The following QKI variants were observed in gnomAD, a reference collection of about 807,000 sequenced individuals.
QKI encodes KH domain-containing RNA-binding protein QKI.
In QKI, 10 loss-of-function variants were observed where a neutral mutation model predicts 39.0. That is an observed-to-expected ratio of 0.26 (90% confidence interval 0.16 to 0.43). QKI has a LOEUF of 0.43. Among genes scored for constraint, QKI ranks in the 20% least tolerant of loss-of-function variants. QKI has a pLI of 1.00. For missense variants in QKI, 218 were observed against 428.0 expected, an observed-to-expected ratio of 0.51 and a Z score of 4.33; for synonymous variants, 204 against 155.4, an observed-to-expected ratio of 1.31 and a Z score of -2.33.
intron 1 of QKI, among the ~76,000 whole-genome samples, chr6:163,453,421 A>G (rs1219165043): frequency 6.6e-6 from 1 of 152,116 alleles, no homozygotes; most frequent in East Asian, 1.9e-4. Context: ...AATTATATGG[A>G]AAGTGCTTTT....
chr6:163,518,719 ATAAAT>A (rs375157310), intron 3 of QKI, among the ~76,000 whole-genome samples: 95 of 152,332 alleles, frequency 6.2e-4, no homozygotes, highest in Middle Eastern at 3.4e-3. Context: ...ATACATGTAA[ATAAAT>A]TGTAGTTTAT....
chr6:163,531,605 T>C (rs1780855561), intron 3 of QKI, among the ~76,000 whole-genome samples: 1 of 152,232 alleles, frequency 6.6e-6, no homozygotes, highest in Non-Finnish European at 1.5e-5. Context: ...ACCATCTGCT[T>C]TCTAGATTCT....
rs73787644 is a variant in QKI, at chr6:163,440,469, T to C, written c.143-14810T>C. 3.3e-3 allele frequency among the ~76,000 whole-genome samples: 506 copies of C among 152,324 alleles called. 4 individuals are homozygous for C. The highest frequency in any genetic ancestry group is 0.011 in the African/African-American group (476 of 41,576). ...CCACAGAGTTCTTGGGGAGGCTTTT[T>C]ATGTGGAAAGACATTAGACTTCATT... On this transcript the variant is annotated intron_variant, in intron 1 of 7. Transcript: ENST00000361752.
At chr6:163,478,690 A>G in intron 2 of QKI, 90 bp from the exon 3 acceptor site, 2 of 809,746 alleles carry the variant, frequency 2.5e-6, no homozygotes, top group Non-Finnish European at 3.9e-6. Flanking sequence ...ATTTAACTTC[A>G]GTAAGTAAAT....
intron 4 of QKI, among the ~76,000 whole-genome samples, chr6:163,552,892 G>A (rs1782332471): frequency 1.3e-5 from 2 of 151,560 alleles, no homozygotes; most frequent in Admixed American, 1.3e-4. Context: ...AGAACTTTTT[G>A]TCAGGCAATC....
At chr6:163,449,193 C>A (rs75373531) in intron 1 of QKI, among the ~76,000 whole-genome samples, 4,239 of 152,190 alleles carry the variant, frequency 0.028, 193 homozygotes, top group African/African-American at 0.096. Context: ...CCTATTTAAG[C>A]TTCAGATGAA....
chr6:163,500,363 A>T (rs1237609126), intron 3 of QKI, among the ~76,000 whole-genome samples: 1 of 152,150 alleles, frequency 6.6e-6, no homozygotes, highest in Non-Finnish European at 1.5e-5. Context: ...GAGGCAAGAG[A>T]TGGTGGCATG....
chr6:163,565,734 CAG>C, intron 6 of QKI: 2 of 1,235,786 alleles, frequency 1.6e-6, no homozygotes, highest in Non-Finnish European at 2.0e-6. Flanking sequence ...TTGGAGAACT[CAG>C]AAAATTATTT....
At chr6:163,553,812 GT>G (rs1447182635) in intron 4 of QKI, among the ~76,000 whole-genome samples, 11 of 152,036 alleles carry the variant, frequency 7.2e-5, no homozygotes, top group African/African-American at 2.7e-4. Flanking sequence ...ACAAATCTTT[GT>G]TAGTTTTATA....
chr6:163,477,891 G>A (rs755691785), intron 2 of QKI, among the ~76,000 whole-genome samples: 8 of 152,086 alleles, frequency 5.3e-5, no homozygotes, highest in Non-Finnish European at 7.4e-5. Flanking sequence ...TTGGATAAAT[G>A]CAAGAAAAAA....
intron 3 of QKI, among the ~76,000 whole-genome samples, chr6:163,527,267 C>G (rs561430892): frequency 3.4e-4 from 52 of 152,236 alleles, no homozygotes; most frequent in African/African-American, 1.2e-3. Flanking sequence ...GTGAAATCTA[C>G]TTTATGCCCA....
chr6:163,576,035 G>T lies in QKI; in HGVS notation c.*5325G>T, dbSNP rs1173767199. The T allele has an allele frequency of 6.6e-6, 1 of 151,998 alleles. No individual in the cohort carries two copies. Among genetic ancestry groups the T allele is most frequent in the African/African-American group, 2.4e-5 (1 of 41,376 alleles). 9.4% of individuals were successfully genotyped at this position (151,998 alleles called of 1,614,324 possible). A position where few individuals can be genotyped will look rare whatever the true frequency, so the allele number is the denominator to read the frequency against. ...AGCAAAAATTATTCTCCAACTTTTC[G>T]AATTCACAATTTTTCTAAGTGCATA... On this transcript the variant is annotated 3_prime_UTR_variant, in exon 8 of 8. Transcript: ENST00000361752.
chr6:163,419,282 A>G (rs1035445504), intron 1 of QKI, among the ~76,000 whole-genome samples: 5 of 149,138 alleles, frequency 3.4e-5, no homozygotes, highest in African/African-American at 9.7e-5. Flanking sequence ...TATTGGATGT[A>G]TCATAAGGTT....
intron 2 of QKI, among the ~76,000 whole-genome samples, chr6:163,458,270 G>A (rs1366660600): frequency 1.3e-5 from 2 of 152,144 alleles, no homozygotes; most frequent in African/African-American, 2.4e-5. Context: ...CCTGGTGTTC[G>A]CTTTTCTCAT....
chr6:163,479,521 G>A (rs1792901681), intron 3 of QKI, among the ~76,000 whole-genome samples: 3 of 152,034 alleles, frequency 2.0e-5, no homozygotes, highest in South Asian at 2.1e-4. Context: ...ACAGGCGCAC[G>A]CCGCCATGCC....
At position 163,576,020 on chromosome 6, in the gene QKI, A is replaced by G. The variant is rs909687686; in HGVS notation, c.*5310A>G. 1 of 152,206 alleles carries G rather than the reference A, an allele frequency of 6.6e-6. No homozygotes were observed. Among genetic ancestry groups the G allele is most frequent in the African/African-American group, 2.4e-5 (1 of 41,466 alleles). 9.4% of individuals were successfully genotyped at this position (152,206 alleles called of 1,614,324 possible). On this transcript the variant is annotated 3_prime_UTR_variant, in exon 8 of 8. Coordinates refer to ENST00000361752, the MANE Select transcript of QKI (RefSeq NM_006775.3). Reference sequence around the variant, plus strand: ...AATGATTATTTATTTAGCAAAAATTATTCTCCAACTTTTCGAATTCACAAT... The same window carrying G: ...AATGATTATTTATTTAGCAAAAATTGTTCTCCAACTTTTCGAATTCACAAT...
At chr6:163,568,671 T>C (rs952925094) in intron 7 of QKI, 85 of 980,784 alleles carry the variant, frequency 8.7e-5, no homozygotes, top group Non-Finnish European at 9.9e-5. Context: ...TTTATTAGTA[T>C]AAGCATTCAT....
At chr6:163,428,376 T>A (rs541256061) in intron 1 of QKI, among the ~76,000 whole-genome samples, 4 of 152,234 alleles carry the variant, frequency 2.6e-5, no homozygotes, top group African/African-American at 9.6e-5. Flanking sequence ...AGAGGTATCC[T>A]GTTTGTACGT....
At chr6:163,418,352 G>C (rs920146361) in intron 1 of QKI, among the ~76,000 whole-genome samples, 2 of 152,134 alleles carry the variant, frequency 1.3e-5, no homozygotes, top group African/African-American at 4.8e-5. Context: ...TGAGGATTAA[G>C]TGTGCTGGTT....
Sources: allele counts gnomAD v4.1 joint callset (sites outside exome capture counted in the v4.1 genomes callset), GRCh38; gene constraint gnomAD v4.1.1; transcripts MANE v1.5; gene names NCBI Gene and HGNC (gene_info 2026-07-23, HGNC 2026-07-21).